Variants in FAM107B observed in about 807,000 individuals in gnomAD.
FAM107B encodes the protein family with sequence similarity 107 member B, also known as protein FAM107B.
A neutral mutation model predicts 31.5 loss-of-function variants in FAM107B; 21 were observed. The observed-to-expected ratio is 0.67, with a 90% CI of 0.47 to 0.96. The LOEUF (loss-of-function observed/expected upper bound fraction) is 0.96, where lower values mean the gene tolerates loss of function less well. FAM107B is among the 40% of genes least tolerant of loss of function. FAM107B has a pLI of 0.00. For missense variants in FAM107B, 452 were observed against 377.1 expected (o/e 1.20, Z -1.64); for synonymous variants, 157 against 141.5 (o/e 1.11, Z -0.78).
intron 2 of FAM107B, among the ~76,000 whole-genome samples, chr10:14,542,361 C>G (rs763447095): frequency 5.3e-5 from 8 of 152,102 alleles, no homozygotes; most frequent in Non-Finnish European, 1.2e-4. Flanking sequence ...CCAAGTCTTC[C>G]CTGGCTCCTC....
intron 2 of FAM107B, among the ~76,000 whole-genome samples, chr10:14,620,034 T>C (rs1189034499): frequency 1.4e-5 from 2 of 148,064 alleles, no homozygotes; most frequent in East Asian, 3.9e-4. Context: ...TTTTTTTTTT[T>C]TTTTGAGATG....
chr10:14,737,974 T>G (rs1011807977), intron 1 of FAM107B, among the ~76,000 whole-genome samples: 2 of 152,026 alleles, frequency 1.3e-5, no homozygotes, highest in African/African-American at 4.8e-5. Flanking sequence ...GGCGTTTCAT[T>G]CCCCCGACAC....
At chr10:14,692,181 T>A (rs1200430296) in intron 1 of FAM107B, among the ~76,000 whole-genome samples, 1 of 151,988 alleles carries the variant, frequency 6.6e-6, no homozygotes, top group Non-Finnish European at 1.5e-5. Context: ...CATGATACAA[T>A]CAGACATCCA....
At position 14,774,478 on chromosome 10, in the gene FAM107B, T is replaced by C. The variant is rs756607898; in HGVS notation, c.186A>G (p.Arg62=). 17 of 1,614,094 alleles carry C rather than the reference T, an allele frequency of 1.1e-5. No homozygotes were observed. The highest frequency in any genetic ancestry group is 3.3e-4 in the Middle Eastern group (2 of 6,084). ...VRVQPVAKAG[R]QPRHPSAEGA... Reference sequence around the variant, plus strand: ...CTTCTGCGCTTGGGTGTCTTGGCTGTCTGCCTGCTTTGGCCACAGGCTGCA... The same window carrying C: ...CTTCTGCGCTTGGGTGTCTTGGCTGCCTGCCTGCTTTGGCCACAGGCTGCA... Residue 62 remains arginine, a synonymous_variant, in exon 1 of 5, where the codon AGA becomes AGG. Coordinates refer to ENST00000181796, the MANE Select transcript of FAM107B (RefSeq NM_031453.4).
chr10:14,727,407 A>G (rs1016310574), intron 1 of FAM107B, among the ~76,000 whole-genome samples: 1 of 152,178 alleles, frequency 6.6e-6, no homozygotes, highest in Non-Finnish European at 1.5e-5. Context: ...TAACCATTAC[A>G]ATGTGTTCCA....
chr10:14,600,694 C>T (rs1852365440), intron 2 of FAM107B, among the ~76,000 whole-genome samples: 1 of 152,200 alleles, frequency 6.6e-6, no homozygotes, highest in Non-Finnish European at 1.5e-5. Context: ...GACTGGAGTG[C>T]ACTGGCGTGA....
chr10:14,637,926 T>G lies in FAM107B; in HGVS notation c.469+29708A>C, dbSNP rs567167931. ...GGAGACCTCAGCCTAGCAGACACTT[T>G]GATTGCAGTCATTTGAGACCCCAAG... On this transcript the variant is annotated intron_variant, in intron 2 of 4. Transcript: ENST00000181796. Among the ~76,000 whole-genome samples the G allele has an allele frequency of 3.3e-5, 5 of 152,248 alleles. No homozygotes were observed. In the South Asian group the frequency reaches 1.0e-3, roughly 32 times the overall value.
At chr10:14,611,484 TTATATATATATATATATATA>T (rs3035276) in intron 2 of FAM107B, among the ~76,000 whole-genome samples, 14,539 of 124,636 alleles carry the variant, frequency 0.12, 1,111 homozygotes, top group African/African-American at 0.2. Flanking sequence ...AATGCCAGTT[TTATATATATATATATATATA>T]TATATATATA....
intron 2 of FAM107B, among the ~76,000 whole-genome samples, chr10:14,567,389 G>A (rs560869429): frequency 6.6e-6 from 1 of 152,288 alleles, no homozygotes; most frequent in Admixed American, 6.5e-5. Flanking sequence ...AGTGAAATGA[G>A]AGGAGGAGGG....
At chr10:14,685,295 T>C (rs1854956278) in intron 1 of FAM107B, among the ~76,000 whole-genome samples, 1 of 151,760 alleles carries the variant, frequency 6.6e-6, no homozygotes, top group African/African-American at 2.4e-5. Flanking sequence ...ACTACAGGTA[T>C]GTACCACCAT....
rs1345413937 is a variant in FAM107B, at chr10:14,518,594, T to C, written c.*2596A>G. 1 of 152,664 alleles carries C rather than the reference T, an allele frequency of 6.6e-6. No homozygotes were observed. Among genetic ancestry groups the C allele is most frequent in the Non-Finnish European group, 1.5e-5 (1 of 68,040 alleles). The allele number at this position is 152,664 out of a possible 1,614,324, so 9.5% of individuals were successfully genotyped here. ...AGCATGTGGTGATTTTTATTAAGAA[T>C]AACTTTGGTTCTAAGAATTCCACCC... is the stretch of plus-strand genomic sequence containing the variant. On this transcript the variant is annotated 3_prime_UTR_variant, in exon 5 of 5. Coordinates refer to ENST00000181796, the MANE Select transcript of FAM107B (RefSeq NM_031453.4).
At chr10:14,771,561 A>G (rs1833303255) in intron 1 of FAM107B, among the ~76,000 whole-genome samples, 1 of 151,870 alleles carries the variant, frequency 6.6e-6, no homozygotes, top group Non-Finnish European at 1.5e-5. Flanking sequence ...ACACATTTAT[A>G]CATGTATACA....
At chr10:14,630,655 C>A (rs1005138359) in intron 2 of FAM107B, among the ~76,000 whole-genome samples, 1 of 151,810 alleles carries the variant, frequency 6.6e-6, no homozygotes, top group Non-Finnish European at 1.5e-5. Context: ...AATAAAAATA[C>A]CCCTCTAAAA....
chr10:14,598,887 C>T (rs2131364324), intron 2 of FAM107B, among the ~76,000 whole-genome samples: 1 of 152,278 alleles, frequency 6.6e-6, no homozygotes, highest in Non-Finnish European at 1.5e-5. Context: ...GGTTACGGGA[C>T]TTGCTGGAGG....
At chr10:14,766,095 A>G (rs1833155892) in intron 1 of FAM107B, among the ~76,000 whole-genome samples, 1 of 152,192 alleles carries the variant, frequency 6.6e-6, no homozygotes, top group African/African-American at 2.4e-5. Flanking sequence ...ATTGAATATC[A>G]TTTACCTATA....
intron 1 of FAM107B, among the ~76,000 whole-genome samples, chr10:14,671,904 CCCT>C (rs1854565871): frequency 7.3e-6 from 1 of 137,848 alleles, no homozygotes; most frequent in African/African-American, 3.0e-5. Flanking sequence ...AAAAAAAAAA[CCCT>C]CTATTTCTTT....
At chr10:14,541,296 G>A (rs1363789297) in intron 2 of FAM107B, among the ~76,000 whole-genome samples, 2 of 152,158 alleles carry the variant, frequency 1.3e-5, no homozygotes, top group African/African-American at 4.8e-5. Flanking sequence ...GAGCATCACT[G>A]GTCACCTCAG....
chr10:14,622,875 C>A (rs1047130549), intron 2 of FAM107B, among the ~76,000 whole-genome samples: 2 of 152,174 alleles, frequency 1.3e-5, no homozygotes, highest in Non-Finnish European at 2.9e-5. Context: ...CTGTAGAAAT[C>A]ACAGGGATTT....
chr10:14,525,571 C>G (rs1391100744), intron 3 of FAM107B, among the ~76,000 whole-genome samples: 1 of 152,224 alleles, frequency 6.6e-6, no homozygotes, highest in Non-Finnish European at 1.5e-5. Flanking sequence ...TCAACCCCTA[C>G]CTATTCCTGC....
Sources: allele counts gnomAD v4.1 joint callset (sites outside exome capture counted in the v4.1 genomes callset), GRCh38; gene constraint gnomAD v4.1.1; transcripts MANE v1.5; gene names NCBI Gene and HGNC (gene_info 2026-07-23, HGNC 2026-07-21).